Variants in NDUFAF6 observed in about 807,000 individuals in gnomAD.
NDUFAF6 encodes the protein NADH dehydrogenase (ubiquinone) complex I, assembly factor 6.
NDUFAF6 carries 45 observed loss-of-function variants against 40.8 expected under a neutral mutation model. The observed-to-expected ratio is 1.10, with a 90% confidence interval of 0.87 to 1.42. The LOEUF is 1.42. Among genes scored for constraint, NDUFAF6 ranks in the 40% most tolerant of loss-of-function variants. The pLI, the probability that NDUFAF6 is intolerant of heterozygous loss-of-function variation, is 0.00. For synonymous variants in NDUFAF6, 185 were observed against 155.9 expected (o/e 1.19, Z -1.39); for missense variants, 435 against 418.5 (o/e 1.04, Z -0.34).
intron 9 of NDUFAF6, among the ~76,000 whole-genome samples, chr8:95,069,711 C>A (rs555512889): frequency 6.8e-6 from 1 of 147,676 alleles, no homozygotes; most frequent in East Asian, 2.0e-4. Context: ...ACCCGGGAGG[C>A]AGAGATTGCA....
upstream of NDUFAF6, chr8:95,023,197 G>A (rs1827766273): frequency 6.6e-6 from 1 of 152,174 alleles, no homozygotes; most frequent in Non-Finnish European, 1.5e-5. Flanking sequence ...AAGCACCACA[G>A]TGGACTTGTT....
rs1343804775 is a variant in NDUFAF6, at chr8:94,949,142, C to T, written c.-799+3523C>T. The T allele has an allele frequency of 3.8e-4, 57 of 149,524 alleles. 1 individual carries two copies. Among genetic ancestry groups the T allele is most frequent in the African/African-American group, 2.2e-4 (9 of 41,126 alleles). The allele number at this position is 149,524 out of a possible 1,614,324, so 9.3% of individuals were successfully genotyped here. On this transcript the variant is annotated intron_variant, in intron 2 of 14. Coordinates refer to the NDUFAF6 transcript ENST00000396113. Reference sequence around the variant, plus strand: ...CTGGACGGACGCCCGCCCGCCCCCCCCCGGCACTTACGTGGGCCCGGGCCG... The same window carrying T: ...CTGGACGGACGCCCGCCCGCCCCCCTCCGGCACTTACGTGGGCCCGGGCCG...
chr8:95,076,362 C>T (rs560659417), downstream of NDUFAF6, among the ~76,000 whole-genome samples: 3 of 152,296 alleles, frequency 2.0e-5, no homozygotes, highest in African/African-American at 7.2e-5. Flanking sequence ...TGACCTTAGC[C>T]ATCAACATCA....
At chr8:94,896,913 G>A (rs912983384) in intron 1 of NDUFAF6, among the ~76,000 whole-genome samples, 1 of 152,216 alleles carries the variant, frequency 6.6e-6, no homozygotes. Flanking sequence ...CAAGGTGACA[G>A]CATCAGGAGA....
At chr8:95,082,830 T>G (rs895982280) in intron 2 of NDUFAF6, among the ~76,000 whole-genome samples, 1 of 152,132 alleles carries the variant, frequency 6.6e-6, no homozygotes, top group South Asian at 2.1e-4. Context: ...CGGCTAATTT[T>G]TTGTATTTTT....
At chr8:94,943,155 A>G (rs1431940850) in intron 1 of NDUFAF6, among the ~76,000 whole-genome samples, 2 of 152,152 alleles carry the variant, frequency 1.3e-5, no homozygotes, top group Non-Finnish European at 2.9e-5. Flanking sequence ...AGGGGCATAG[A>G]TTTGGGAGCT....
chr8:95,054,856 A>G (rs1044620511), intron 8 of NDUFAF6, among the ~76,000 whole-genome samples: 88 of 152,298 alleles, frequency 5.8e-4, no homozygotes, highest in African/African-American at 1.8e-3. Context: ...ATTGTTTTAT[A>G]TATGGGGCAT....
chr8:95,037,269 C>CT (rs1366526396), intron 3 of NDUFAF6, among the ~76,000 whole-genome samples: 1 of 152,170 alleles, frequency 6.6e-6, no homozygotes, highest in East Asian at 1.9e-4. Context: ...AAAATATTTA[C>CT]TTTTTTACCT....
chr8:94,986,960 T>C lies in NDUFAF6; in HGVS notation c.-84+5987T>C, dbSNP rs568352448. 2.0e-5 allele frequency among the ~76,000 whole-genome samples: 3 copies of C among 152,312 alleles called. No homozygotes were observed. The East Asian group carries it at 5.8e-4, about 29-fold the overall frequency. Reference sequence around the variant, plus strand: ...TGTTTACCTTAGTAGTCAGTAAAACTGGGATTTTTTTTTCAAAGGAACACC... The same window carrying C: ...TGTTTACCTTAGTAGTCAGTAAAACCGGGATTTTTTTTTCAAAGGAACACC... On this transcript the variant is annotated intron_variant, in intron 2 of 9. Transcript: ENST00000396111.
At chr8:95,045,104 G>T (rs543282784) in intron 4 of NDUFAF6, among the ~76,000 whole-genome samples, 1 of 152,134 alleles carries the variant, frequency 6.6e-6, no homozygotes, top group Admixed American at 6.5e-5. Context: ...TGTGTCTTTG[G>T]ACATGTTAAT....
intron 2 of NDUFAF6, 69 bp from the exon 3 acceptor site, chr8:95,035,385 C>G (rs553968813): frequency 1.3e-6 from 2 of 1,542,642 alleles, no homozygotes; most frequent in African/African-American, 2.7e-5. Flanking sequence ...TCAAAAAATT[C>G]CCTCAAAGAT....
At chr8:95,090,794 C>CT (rs751637632) in intron 2 of NDUFAF6, among the ~76,000 whole-genome samples, 21 of 152,282 alleles carry the variant, frequency 1.4e-4, no homozygotes, top group Admixed American at 3.9e-4. Flanking sequence ...ATCTAATCAG[C>CT]TTCCAACGAA....
At chr8:94,959,530 G>GTTTT (rs3039193) in intron 1 of NDUFAF6, among the ~76,000 whole-genome samples, 4 of 146,394 alleles carry the variant, frequency 2.7e-5, no homozygotes, top group South Asian at 2.2e-4. Flanking sequence ...GTTGCTTTTT[G>GTTTT]TTTTTTTTGT....
downstream of NDUFAF6, among the ~76,000 whole-genome samples, chr8:95,076,601 C>T (rs566603588): frequency 3.5e-4 from 54 of 152,274 alleles, no homozygotes; most frequent in African/African-American, 9.6e-4. Context: ...AGGCCGGGCA[C>T]GGTGGCTCAT....
Position 94,962,791 on chromosome 8 carries a change from C to CTTT in NDUFAF6, c.-199+4622_-199+4624dup, listed in dbSNP as rs58474094. Among the ~76,000 whole-genome samples the CTTT allele has an allele frequency of 1.9e-3, 272 of 139,762 alleles. 5 individuals carry two copies. The highest frequency in any genetic ancestry group is 0.01 in the East Asian group (49 of 4,794). The allele number at this position is 139,762 out of a possible 152,430, so 91.7% of individuals were successfully genotyped here. ...ACCTGGCCTCCAAACTCCTTTTTTTCTTTTTTTTTTTTGTTTGGAGATGGA... is the reference window on the plus strand; with the variant it reads ...ACCTGGCCTCCAAACTCCTTTTTTTCTTTTTTTTTTTTTTTGTTTGGAGATGGA... On this transcript the variant is annotated intron_variant, in intron 1 of 9. Transcript: ENST00000396111.
intron 9 of NDUFAF6, among the ~76,000 whole-genome samples, chr8:95,071,452 C>T (rs1275484869): frequency 6.6e-6 from 1 of 151,570 alleles, no homozygotes; most frequent in Non-Finnish European, 1.5e-5. Flanking sequence ...CAGCACTGCA[C>T]CCTCATTAGC....
chr8:95,094,587 A>AT (rs1392668841), intron 2 of NDUFAF6, among the ~76,000 whole-genome samples: 7 of 145,126 alleles, frequency 4.8e-5, no homozygotes, highest in Non-Finnish European at 7.6e-5. Flanking sequence ...TAATTTTTAT[A>AT]TTTTTTTAGT....
In NDUFAF6 at chr8:95,058,676, G is replaced by A. The variant is rs1832473044; in HGVS notation, c.*739G>A. 1 of 1,042,030 alleles carries A rather than the reference G, an allele frequency of 9.6e-7. No homozygotes were observed. The highest frequency in any genetic ancestry group is 5.6e-5 in the Admixed American group (1 of 17,902). 64.5% of individuals were successfully genotyped at this position (1,042,030 alleles called of 1,614,324 possible). ...TTGTATAAGTGATATGAACGGTATT[G>A]TATTGAACATCCATTAAAGGGTTGC... On this transcript the variant is annotated 3_prime_UTR_variant, in exon 9 of 9. Transcript: ENST00000396124.
chr8:95,024,054 GATA>G (rs1485675162), upstream of NDUFAF6, among the ~76,000 whole-genome samples: 2 of 151,980 alleles, frequency 1.3e-5, no homozygotes, highest in African/African-American at 4.8e-5. Flanking sequence ...TTCCTGCCTT[GATA>G]AATACATCTT....
Sources: allele counts gnomAD v4.1 joint callset (sites outside exome capture counted in the v4.1 genomes callset), GRCh38; gene constraint gnomAD v4.1.1; transcripts MANE v1.5; gene names NCBI Gene and HGNC (gene_info 2026-07-23, HGNC 2026-07-21).